IMMP2L: variants seen among roughly 807,000 people sequenced by gnomAD.
IMMP2L encodes inner mitochondrial membrane peptidase subunit 2.
A neutral mutation model predicts 19.3 loss-of-function variants in IMMP2L; 18 were observed. The observed-to-expected ratio is 0.93, with a 90% CI of 0.64 to 1.38. The LOEUF (loss-of-function observed/expected upper bound fraction) is 1.38. Ranked by LOEUF, IMMP2L falls within the 40% of genes most tolerant of loss-of-function variation. IMMP2L has a pLI of 0.00. For missense variants in IMMP2L, 233 were observed against 218.2 expected, an observed-to-expected ratio of 1.07 and a Z score of -0.43; for synonymous variants, 76 against 73.0, an observed-to-expected ratio of 1.04 and a Z score of -0.21.
At chr7:111,432,503 T>A (rs1417892996) in intron 3 of IMMP2L, among the ~76,000 whole-genome samples, 1 of 151,784 alleles carries the variant, frequency 6.6e-6, no homozygotes, top group Non-Finnish European at 1.5e-5. Context: ...ATGCCTTCAG[T>A]AAAATTCAGC....
chr7:110,737,366 T>C (rs73714347), intron 5 of IMMP2L, among the ~76,000 whole-genome samples: 9,389 of 152,274 alleles, frequency 0.062, 319 homozygotes, highest in African/African-American at 0.078. Flanking sequence ...CCTTTAGGAC[T>C]ATGGGCTTTA....
At chr7:110,686,334 T>C (rs530687750) in intron 5 of IMMP2L, among the ~76,000 whole-genome samples, 1 of 151,026 alleles carries the variant, frequency 6.6e-6, no homozygotes, top group Non-Finnish European at 1.5e-5. Context: ...GTCTCCTCTG[T>C]TTTTTTGCTC....
chr7:111,452,058 T>A (rs1438314712), intron 3 of IMMP2L, among the ~76,000 whole-genome samples: 1 of 152,102 alleles, frequency 6.6e-6, no homozygotes, highest in East Asian at 1.9e-4. Context: ...ATTGGAGACA[T>A]TACATTATTC....
Position 111,214,143 on chromosome 7 carries a change from C to G in IMMP2L, c.240-250578G>C, listed in dbSNP as rs538247331. On this transcript the variant is annotated intron_variant, in intron 3 of 5. Coordinates refer to ENST00000405709, the MANE Select transcript of IMMP2L (RefSeq NM_032549.4). ...TTCCCTTTTACTATCCAGTCCCTTC[C>G]AAGGGTATCTTCTCTTGCTTATTTA... Among the ~76,000 whole-genome samples the G allele has an allele frequency of 2.6e-4, 39 of 151,950 alleles. No homozygotes were observed. In the South Asian group the frequency reaches 5.9e-3, roughly 23 times the overall value.
At chr7:111,383,864 G>C (rs956256715) in intron 3 of IMMP2L, among the ~76,000 whole-genome samples, 2 of 151,892 alleles carry the variant, frequency 1.3e-5, no homozygotes, top group Non-Finnish European at 2.9e-5. Flanking sequence ...CAGTTTATAT[G>C]TCACCTTATC....
chr7:111,491,579 T>C (rs1309926454), intron 2 of IMMP2L, among the ~76,000 whole-genome samples: 1 of 152,152 alleles, frequency 6.6e-6, no homozygotes, highest in Non-Finnish European at 1.5e-5. Flanking sequence ...GTTGATATGG[T>C]AGCATAAGTC....
At chr7:111,319,658 A>T (rs2130463583) in intron 3 of IMMP2L, among the ~76,000 whole-genome samples, 1 of 152,282 alleles carries the variant, frequency 6.6e-6, no homozygotes, top group South Asian at 2.1e-4. Context: ...TTTAATACAG[A>T]AGGCTATATT....
At position 110,924,056 on chromosome 7, in the gene IMMP2L, T is replaced by C. The variant is rs1018643247; in HGVS notation, c.306-37361A>G. ...GTCTCAAGTTTACCTGAGTCTAATG[T>C]ATGACAAAGGAATGATTCCCATGAT... On this transcript the variant is annotated intron_variant, in intron 4 of 5. Transcript: ENST00000405709. The surrounding 1 kb of genome is among the most constrained non-coding windows in gnomAD (Gnocchi z 4.2). Among the ~76,000 whole-genome samples, 1 of 152,176 alleles carries C rather than the reference T, an allele frequency of 6.6e-6. No individual in the cohort carries two copies. Among genetic ancestry groups the C allele is most frequent in the Non-Finnish European group, 1.5e-5 (1 of 68,026 alleles).
chr7:111,228,738 T>C (rs995964673), intron 3 of IMMP2L, among the ~76,000 whole-genome samples: 3 of 152,114 alleles, frequency 2.0e-5, no homozygotes, highest in Non-Finnish European at 4.4e-5. Flanking sequence ...TCTATAGTTA[T>C]TTGCAGAAGA....
At chr7:111,451,005 A>G (rs933825989) in intron 3 of IMMP2L, among the ~76,000 whole-genome samples, 1 of 151,212 alleles carries the variant, frequency 6.6e-6, no homozygotes, top group African/African-American at 2.5e-5. Context: ...CAAAACCACC[A>G]TGAGATATCA....
chr7:110,725,922 C>T (rs1795856358), intron 5 of IMMP2L: 1 of 152,148 alleles, frequency 6.6e-6, no homozygotes, highest in Admixed American at 6.5e-5. Context: ...AAGCATTGTT[C>T]TAAAAGTCTT....
intron 3 of IMMP2L, among the ~76,000 whole-genome samples, chr7:111,227,589 T>C (rs1219654375): frequency 1.3e-5 from 2 of 152,036 alleles, no homozygotes; most frequent in African/African-American, 2.4e-5. Flanking sequence ...TAAATGTGTC[T>C]ACAAAATTCA....
intron 5 of IMMP2L, among the ~76,000 whole-genome samples, chr7:110,669,451 T>C (rs796610057): frequency 7.2e-5 from 11 of 152,292 alleles, no homozygotes; most frequent in African/African-American, 2.6e-4. Context: ...GTAAATCTCA[T>C]TCAAAAGCAC....
chr7:110,791,855 A>G (rs1800478252), intron 5 of IMMP2L, among the ~76,000 whole-genome samples: 1 of 151,832 alleles, frequency 6.6e-6, no homozygotes, highest in South Asian at 2.1e-4. Context: ...CTGAAACTCA[A>G]CTATCAGAGA....
intron 5 of IMMP2L, among the ~76,000 whole-genome samples, chr7:110,701,119 G>A (rs1307139448): frequency 6.6e-6 from 1 of 152,078 alleles, no homozygotes; most frequent in Non-Finnish European, 1.5e-5. Context: ...AGGCGATCTT[G>A]AATAGGCCAT....
chr7:111,058,516 A>G (rs1435737348), intron 3 of IMMP2L, among the ~76,000 whole-genome samples: 3 of 152,158 alleles, frequency 2.0e-5, no homozygotes, highest in African/African-American at 7.2e-5. Flanking sequence ...AAATAACACA[A>G]TTAAAGAGAA....
chr7:111,487,551 A>T (rs1050182089), intron 2 of IMMP2L, among the ~76,000 whole-genome samples: 2 of 152,162 alleles, frequency 1.3e-5, no homozygotes, highest in African/African-American at 2.4e-5. Context: ...ATAAATTACC[A>T]ATGCTTATTT....
At chr7:110,962,862 G>A in intron 4 of IMMP2L, 6 of 1,316,592 alleles carry the variant, frequency 4.6e-6, no homozygotes, top group South Asian at 4.9e-5. Context: ...GTATAGGCCT[G>A]GCTACAACTT....
intron 3 of IMMP2L, among the ~76,000 whole-genome samples, chr7:111,461,019 T>C (rs1158915071): frequency 1.3e-5 from 2 of 152,002 alleles, no homozygotes; most frequent in Non-Finnish European, 1.5e-5. Flanking sequence ...TTTTTCCATG[T>C]TACCATAAAC....
Sources: allele counts gnomAD v4.1 joint callset (sites outside exome capture counted in the v4.1 genomes callset), GRCh38; gene constraint gnomAD v4.1.1; non-coding constraint Gnocchi (gnomAD v3.1); transcripts MANE v1.5; gene names NCBI Gene and HGNC (gene_info 2026-07-23, HGNC 2026-07-21).